Variants in KLF8 observed in about 807,000 individuals in gnomAD.
KLF8 encodes Krueppel-like factor 8.
A neutral mutation model predicts 18.2 loss-of-function variants in KLF8; 10 were observed. That is an observed-to-expected ratio of 0.55 (90% CI 0.34 to 0.93). The LOEUF (loss-of-function observed/expected upper bound fraction) is 0.93, where lower values mean the gene tolerates loss of function less well. KLF8 is among the 40% of genes least tolerant of loss of function. The probability of loss-of-function intolerance (pLI) is 0.02; values close to 1 mark genes in which losing one functional copy is unlikely to be tolerated. For missense variants in KLF8, 264 were observed against 277.9 expected (o/e 0.95, Z 0.36); for synonymous variants, 109 against 97.3 (o/e 1.12, Z -0.71).
the KLF8 span, among the ~76,000 whole-genome samples, chrX:56,101,363 T>C: frequency 8.9e-6 from 1 of 112,033 alleles, no homozygotes; most frequent in South Asian, 3.7e-4. Context: ...CTTGATCCAA[T>C]CTACCACTGA....
chrX:55,946,898 A>C, the KLF8 span, among the ~76,000 whole-genome samples: 4 of 112,024 alleles, frequency 3.6e-5, no homozygotes, highest in Non-Finnish European at 7.5e-5. Flanking sequence ...GCTGACCATC[A>C]CTGGCCATCA....
the KLF8 span, among the ~76,000 whole-genome samples, chrX:56,182,658 T>C: frequency 4.4e-5 from 5 of 112,623 alleles, no homozygotes; most frequent in Non-Finnish European, 9.4e-5. Flanking sequence ...GGTGTGGGTG[T>C]CCTTTTTGTT....
At chrX:56,048,549 G>T in the KLF8 span, among the ~76,000 whole-genome samples, 1 of 111,759 alleles carries the variant, frequency 8.9e-6, no homozygotes, top group Non-Finnish European at 1.9e-5. Flanking sequence ...TCTTGTTTTT[G>T]TCAGGTTTGT....
chrX:56,200,296 G>C, the KLF8 span, among the ~76,000 whole-genome samples: 1 of 106,978 alleles, frequency 9.3e-6, no homozygotes, highest in Non-Finnish European at 1.9e-5. Context: ...TAAAACTTAA[G>C]AATTAAAAAA....
At chrX:56,213,304 C>CTTTTTTTTTTTTTTTTTTTTTTT in the KLF8 span, among the ~76,000 whole-genome samples, 1 of 31,392 alleles carries the variant, frequency 3.2e-5, no homozygotes, top group African/African-American at 1.2e-4. Flanking sequence ...CTTTTCTTTT[C>CTTTTTTTTTTTTTTTTTTTTTTT]TTTTCTTTTC....
At chrX:56,188,012 A>G in the KLF8 span, among the ~76,000 whole-genome samples, 6 of 111,473 alleles carry the variant, frequency 5.4e-5, no homozygotes, top group African/African-American at 2.0e-4. Context: ...TAGTGTTGGA[A>G]GTTCTGGCCA....
intron 1 of KLF8, among the ~76,000 whole-genome samples, chrX:56,247,267 G>A (rs969453910): frequency 9.0e-6 from 1 of 111,392 alleles, no homozygotes; most frequent in African/African-American, 3.3e-5. Flanking sequence ...ACATAGAAAA[G>A]GCACAGTTAA....
the KLF8 span, among the ~76,000 whole-genome samples, chrX:56,042,205 A>G: frequency 2.7e-5 from 3 of 111,759 alleles, no homozygotes; most frequent in African/African-American, 6.5e-5. Context: ...ATTTCTTTAC[A>G]TTGAGGTTTA....
chrX:56,021,585 C>CT, the KLF8 span, among the ~76,000 whole-genome samples: 596 of 98,329 alleles, frequency 6.1e-3, no homozygotes, highest in African/African-American at 0.015. Flanking sequence ...CTGACCCGCT[C>CT]TTTTTTTTTT....
chrX:56,154,939 A>C, the KLF8 span, among the ~76,000 whole-genome samples: 1 of 112,203 alleles, frequency 8.9e-6, no homozygotes, highest in African/African-American at 3.2e-5. Context: ...AGTGATCATT[A>C]AAAAGTCAGG....
At chrX:55,942,491 A>T in the KLF8 span, among the ~76,000 whole-genome samples, 1 of 110,718 alleles carries the variant, frequency 9.0e-6, no homozygotes, top group Admixed American at 9.7e-5. Context: ...TACGTCATGC[A>T]CTTGTACCCT....
the KLF8 span, among the ~76,000 whole-genome samples, chrX:55,930,844 C>T: frequency 1.8e-5 from 2 of 110,619 alleles, no homozygotes. Flanking sequence ...CCTGAAATTT[C>T]CTTTTTACGT....
chrX:56,256,272 T>C (rs1289834811), intron 2 of KLF8, among the ~76,000 whole-genome samples: 1 of 111,883 alleles, frequency 8.9e-6, no homozygotes, highest in Non-Finnish European at 1.9e-5. Context: ...TCTTCTCTCT[T>C]TTTTTCTCAT....
At chrX:56,010,860 T>C in the KLF8 span, among the ~76,000 whole-genome samples, 4 of 111,014 alleles carry the variant, frequency 3.6e-5, no homozygotes, top group Admixed American at 1.9e-4. Flanking sequence ...AACAACAAAA[T>C]CAAGAAAGAG....
Position 56,290,088 on chromosome X carries a change from C to T in KLF8, c.*5594C>T, listed in dbSNP as rs755804144. Among the ~76,000 whole-genome samples, 88 of 111,840 alleles carry T rather than the reference C, an allele frequency of 7.9e-4. No homozygotes were observed. Among genetic ancestry groups the T allele is most frequent in the Non-Finnish European group, 1.5e-3 (81 of 53,087 alleles). On this transcript the variant is annotated 3_prime_UTR_variant, in exon 6 of 6. Coordinates refer to ENST00000468660, the MANE Select transcript of KLF8 (RefSeq NM_007250.5). ...ATAAACACATAGCACTATCTTTTCT[C>T]ACTGTTAAATATGGCTCTCTGACAA...
At chrX:56,080,617 A>C in the KLF8 span, among the ~76,000 whole-genome samples, 1 of 110,605 alleles carries the variant, frequency 9.0e-6, no homozygotes, top group African/African-American at 3.3e-5. Context: ...GAATCTGACA[A>C]TTATGTGTCT....
the KLF8 span, among the ~76,000 whole-genome samples, chrX:55,939,753 C>T: frequency 7.2e-5 from 8 of 111,770 alleles, no homozygotes; most frequent in East Asian, 5.6e-4. Context: ...AACACCTCCA[C>T]GCAAATAAAC....
chrX:56,185,586 G>C, the KLF8 span, among the ~76,000 whole-genome samples: 3 of 111,606 alleles, frequency 2.7e-5, no homozygotes, highest in East Asian at 5.6e-4. Context: ...ATTCTCCAAA[G>C]TTGAAATGAA....
At chrX:56,184,658 G>T in the KLF8 span, among the ~76,000 whole-genome samples, 92 of 111,572 alleles carry the variant, frequency 8.2e-4, no homozygotes, top group Middle Eastern at 4.7e-3. Flanking sequence ...ACACGGCCGG[G>T]TACTCCTCTG....
Sources: allele counts gnomAD v4.1 joint callset (sites outside exome capture counted in the v4.1 genomes callset), GRCh38; gene constraint gnomAD v4.1.1; transcripts MANE v1.5; gene names NCBI Gene and HGNC (gene_info 2026-07-23, HGNC 2026-07-21).